PRKAR1A: variants seen among roughly 807,000 people sequenced by gnomAD.
PRKAR1A encodes the protein cAMP-dependent protein kinase type I-alpha regulatory subunit.
PRKAR1A carries 3 observed loss-of-function variants against 52.0 expected under a neutral mutation model. The ratio of observed to expected loss-of-function variants is 0.06; its 90% CI spans 0.03 to 0.15. The LOEUF is 0.15. PRKAR1A is among the 10% of genes least tolerant of loss of function. The pLI, the probability that PRKAR1A is intolerant of heterozygous loss-of-function variation, is 1.00. For missense variants in PRKAR1A, 240 were observed against 477.4 expected, an observed-to-expected ratio of 0.50 and a Z score of 4.63; for synonymous variants, 188 against 168.4, an observed-to-expected ratio of 1.12 and a Z score of -0.90.
the PRKAR1A span, among the ~76,000 whole-genome samples, chr17:68,482,783 T>C: frequency 6.6e-6 from 1 of 152,336 alleles, no homozygotes; most frequent in South Asian, 2.1e-4. Context: ...GGGCCAGATG[T>C]CCTCAAATTG....
the PRKAR1A span, chr17:68,420,217 G>C: frequency 1.4e-5 from 22 of 1,613,862 alleles, no homozygotes; most frequent in East Asian, 6.7e-5. Context: ...ATGGGAGCAC[G>C]GGGCCTGAGC....
the PRKAR1A span, among the ~76,000 whole-genome samples, chr17:68,437,014 A>ATGTGTGTGTGTGTG: frequency 7.3e-5 from 6 of 82,142 alleles, no homozygotes; most frequent in African/African-American, 1.8e-4. Context: ...AAATATATAT[A>ATGTGTGTGTGTGTG]TATGTGTGTG....
chr17:68,533,555 G>A (rs1396317392), downstream of PRKAR1A: 4 of 521,138 alleles, frequency 7.7e-6, no homozygotes, highest in Non-Finnish European at 1.0e-5. Context: ...AATTGAAGTA[G>A]CATGTCAGTT....
At chr17:68,439,808 C>A in the PRKAR1A span, among the ~76,000 whole-genome samples, 21 of 152,090 alleles carry the variant, frequency 1.4e-4, no homozygotes, top group African/African-American at 3.6e-4. Flanking sequence ...TGAAGGCTAC[C>A]GTGATATAGA....
At chr17:68,498,322 C>T in the PRKAR1A span, among the ~76,000 whole-genome samples, 1 of 152,178 alleles carries the variant, frequency 6.6e-6, no homozygotes, top group African/African-American at 2.4e-5. Flanking sequence ...CTTTCCTCCC[C>T]AAAAGCTCAA....
At chr17:68,504,778 A>G in the PRKAR1A span, among the ~76,000 whole-genome samples, 247 of 152,364 alleles carry the variant, frequency 1.6e-3, 1 homozygote, top group South Asian at 9.3e-3. Context: ...AGTATTTGAT[A>G]GCACAATAGT....
the PRKAR1A span, among the ~76,000 whole-genome samples, chr17:68,475,881 A>T: frequency 6.6e-6 from 1 of 152,096 alleles, no homozygotes; most frequent in Admixed American, 6.5e-5. Context: ...AGAATATTTT[A>T]AAATTTCTAA....
the PRKAR1A span, among the ~76,000 whole-genome samples, chr17:68,461,437 G>A: frequency 6.6e-6 from 1 of 152,116 alleles, no homozygotes; most frequent in Non-Finnish European, 1.5e-5. The surrounding 1 kb of genome is among the most constrained non-coding windows in gnomAD (Gnocchi z 4.6). Flanking sequence ...GCATTCACAG[G>A]GGAAGGTGGA....
chr17:68,500,408 A>C, the PRKAR1A span, among the ~76,000 whole-genome samples: 8 of 152,112 alleles, frequency 5.3e-5, no homozygotes, highest in Admixed American at 3.3e-4. Flanking sequence ...CCTCCATGTA[A>C]GACATGCCTT....
downstream of PRKAR1A, chr17:68,537,085 G>T (rs563178726): frequency 3.2e-5 from 15 of 462,250 alleles, no homozygotes; most frequent in African/African-American, 2.6e-4. This position sits in a 1 kb window ranked among gnomAD's most constrained non-coding sequence, Gnocchi z 4.2. Flanking sequence ...AGTTATCTTT[G>T]ACTTGTAGCT....
the PRKAR1A span, chr17:68,427,308 G>A: frequency 3.7e-6 from 5 of 1,334,968 alleles, no homozygotes; most frequent in Non-Finnish European, 2.1e-6. Flanking sequence ...CATATATCTA[G>A]GACACCTTCC....
intron 2 of PRKAR1A, among the ~76,000 whole-genome samples, chr17:68,517,150 C>G (rs2085459964): frequency 6.6e-6 from 1 of 152,182 alleles, no homozygotes; most frequent in Non-Finnish European, 1.5e-5. Flanking sequence ...GTTTCAGCTT[C>G]TTTAACTTTT....
chr17:68,482,782 G>A, the PRKAR1A span, among the ~76,000 whole-genome samples: 131 of 152,304 alleles, frequency 8.6e-4, no homozygotes, highest in Middle Eastern at 6.8e-3. Context: ...AGGGCCAGAT[G>A]TCCTCAAATT....
At chr17:68,457,692 C>T in the PRKAR1A span, among the ~76,000 whole-genome samples, 1 of 152,130 alleles carries the variant, frequency 6.6e-6, no homozygotes, top group Non-Finnish European at 1.5e-5. Context: ...CTCCGGCCAC[C>T]ATTGGCCACG....
At chr17:68,538,552 A>G (rs1375369598) in intron 11 of PRKAR1A, among the ~76,000 whole-genome samples, 1 of 152,246 alleles carries the variant, frequency 6.6e-6, no homozygotes, top group Non-Finnish European at 1.5e-5. Flanking sequence ...GTGTGGAAGT[A>G]AGTTAGACAT....
At chr17:68,541,925 T>TG in intron 11 of PRKAR1A, 1 of 1,547,776 alleles carries the variant, frequency 6.5e-7, no homozygotes, top group African/African-American at 1.4e-5. Context: ...AACAAGTCCC[T>TG]GGTACAGGGT....
the PRKAR1A span, among the ~76,000 whole-genome samples, chr17:68,483,633 A>T: frequency 6.6e-6 from 1 of 152,078 alleles, no homozygotes. Context: ...AGGCCAAGGC[A>T]TGTGGATCAC....
chr17:68,444,644 C>T, the PRKAR1A span: 6 of 1,404,422 alleles, frequency 4.3e-6, no homozygotes, highest in Non-Finnish European at 5.9e-6. Flanking sequence ...AAGACCCTGA[C>T]CAAATCCAAA....
chr17:68,534,388 C>G (rs993439251), downstream of PRKAR1A, among the ~76,000 whole-genome samples: 2 of 152,112 alleles, frequency 1.3e-5, no homozygotes, highest in Non-Finnish European at 2.9e-5. Flanking sequence ...TACCTACTTG[C>G]TAAACTTTAT....
Sources: gnomAD v4.1 joint callset for allele counts (sites outside exome capture counted in the v4.1 genomes callset) on GRCh38, gnomAD v4.1.1 for gene constraint, Gnocchi (gnomAD v3.1) non-coding constraint, MANE v1.5 for transcripts, NCBI Gene and HGNC (gene_info 2026-07-23, HGNC 2026-07-21) for gene names.